Variants in ITPRID1 observed in about 807,000 individuals in gnomAD.
The protein encoded by ITPRID1 is protein ITPRID1.
In ITPRID1, 96 loss-of-function variants were observed where a neutral mutation model predicts 95.4. The observed-to-expected ratio is 1.01, with a 90% CI of 0.85 to 1.19. The LOEUF (loss-of-function observed/expected upper bound fraction) is 1.19. Among genes scored for constraint, ITPRID1 ranks in the 50% most tolerant of loss-of-function variants. ITPRID1 has a pLI of 0.00. For synonymous variants in ITPRID1, 510 were observed against 453.6 expected, an observed-to-expected ratio of 1.12 and a Z score of -1.58; for missense variants, 1,339 against 1,252.9, an observed-to-expected ratio of 1.07 and a Z score of -1.04.
chr7:31,613,582 A>AT (rs1212434207), intron 10 of ITPRID1, among the ~76,000 whole-genome samples: 2 of 152,116 alleles, frequency 1.3e-5, no homozygotes, highest in Non-Finnish European at 2.9e-5. Context: ...ATGAATTTCA[A>AT]TTTTTCTGCT....
At chr7:31,520,739 A>G (rs1049869718) in intron 1 of ITPRID1, among the ~76,000 whole-genome samples, 7 of 152,088 alleles carry the variant, frequency 4.6e-5, no homozygotes, top group Non-Finnish European at 8.8e-5. Context: ...GGCCCTCTCA[A>G]CAGATAGAGG....
At chr7:31,521,615 TTTCCCTCCTTCCTTCCTTCCTTCCTTCC>T (rs1279131137) in intron 1 of ITPRID1, among the ~76,000 whole-genome samples, 6,907 of 121,866 alleles carry the variant, frequency 0.057, 291 homozygotes, top group Non-Finnish European at 0.077. Context: ...CTTTTTCTCC[TTTCCCTCCTTCCTTCCTTCCTTCCTTCC>T]TTCCTTCCTT....
chr7:31,582,519 G>C (rs1487862115), intron 9 of ITPRID1, among the ~76,000 whole-genome samples: 3 of 152,122 alleles, frequency 2.0e-5, no homozygotes, highest in African/African-American at 7.2e-5. Flanking sequence ...CCAAAGTGTT[G>C]AGATTATAGG....
intron 10 of ITPRID1, among the ~76,000 whole-genome samples, chr7:31,606,063 A>G (rs188442379): frequency 1.4e-3 from 206 of 152,084 alleles, no homozygotes; most frequent in Admixed American, 2.1e-3. Flanking sequence ...TAGATATTCT[A>G]TGTTCATTAA....
chr7:31,643,586 T>G lies in ITPRID1; in HGVS notation c.2216T>G (p.Val739Gly). The G allele has an allele frequency of 6.2e-7, 1 of 1,614,014 alleles. No individual in the cohort carries two copies. Among genetic ancestry groups the G allele is most frequent in the Non-Finnish European group, 8.5e-7 (1 of 1,179,894 alleles). ...GPRGTSLECT[V>G]CDPVTATETR... is the part of the protein sequence containing the mutation. The stretch of plus-strand genomic sequence containing the variant: ...AGAGGAACATCTTTAGAATGCACTG[T>G]GTGTGATCCTGTTACCGCAACAGAA... The change falls in exon 12 of 15, where the codon GTG becomes GGG. Residue 739 changes from valine to glycine, a missense_variant. Coordinates refer to ENST00000615280, the MANE Select transcript of ITPRID1 (RefSeq NM_001257967.3).
At chr7:31,541,251 T>C (rs928891605) in intron 1 of ITPRID1, among the ~76,000 whole-genome samples, 7 of 152,204 alleles carry the variant, frequency 4.6e-5, no homozygotes, top group African/African-American at 1.7e-4. Flanking sequence ...CTCCTATTAG[T>C]TCAGTTTATG....
chr7:31,518,669 G>T (rs920689818), intron 1 of ITPRID1, among the ~76,000 whole-genome samples: 1 of 152,174 alleles, frequency 6.6e-6, no homozygotes, highest in African/African-American at 2.4e-5. Context: ...TATCGCACGG[G>T]TATTTTCTGT....
chr7:31,591,747 G>T (rs1355397212), intron 10 of ITPRID1, among the ~76,000 whole-genome samples: 1 of 152,158 alleles, frequency 6.6e-6, no homozygotes, highest in East Asian at 1.9e-4. Context: ...GTTAAAAGCA[G>T]TTGTCTTTGG....
At chr7:31,569,699 A>C (rs1784915950) in intron 5 of ITPRID1, 59 bp from the exon 6 acceptor site, 8 of 1,483,808 alleles carry the variant, frequency 5.4e-6, no homozygotes, top group Non-Finnish European at 7.3e-6. Context: ...TGGGGTTGAG[A>C]AAATCTTCCG....
downstream of ITPRID1, chr7:31,658,437 A>G (rs1266299252): frequency 7.0e-7 from 1 of 1,419,514 alleles, no homozygotes; most frequent in East Asian, 2.5e-5. Context: ...AGAGTATAAC[A>G]CATGTCGAAC....
intron 10 of ITPRID1, among the ~76,000 whole-genome samples, chr7:31,634,778 T>G (rs531967294): frequency 6.6e-6 from 1 of 152,286 alleles, no homozygotes; most frequent in African/African-American, 2.4e-5. Flanking sequence ...AATAGAATGC[T>G]TAGGTGATAA....
At chr7:31,519,616 C>CTA (rs1340353008) in intron 1 of ITPRID1, among the ~76,000 whole-genome samples, 113 of 38,436 alleles carry the variant, frequency 2.9e-3, no homozygotes, top group South Asian at 4.2e-3. Context: ...CTCTCTCTCT[C>CTA]TCTCTATATA....
At chr7:31,629,718 G>A (rs758772524) in intron 10 of ITPRID1, among the ~76,000 whole-genome samples, 9 of 152,136 alleles carry the variant, frequency 5.9e-5, no homozygotes, top group Non-Finnish European at 1.0e-4. Flanking sequence ...TAGTGGAGGT[G>A]CATAGTTGTA....
rs1256502905 is a variant in ITPRID1, at chr7:31,556,567, C to T, written c.256+1666C>T. The stretch of plus-strand genomic sequence containing the variant: ...CTTCAGCCATGATGAGAGAGCTGCA[C>T]TGAGCTTGGGGGAGCTGAGAGACAC... On this transcript the variant is annotated intron_variant, in intron 5 of 14. Coordinates refer to ENST00000615280, the MANE Select transcript of ITPRID1 (RefSeq NM_001257967.3). Among the ~76,000 whole-genome samples the T allele has an allele frequency of 2.0e-5, 3 of 152,154 alleles. No homozygotes were observed. In the East Asian group the frequency reaches 5.8e-4, roughly 30 times the overall value.
chr7:31,637,557 A>G (rs1328435980), intron 10 of ITPRID1, among the ~76,000 whole-genome samples: 7 of 152,184 alleles, frequency 4.6e-5, no homozygotes, highest in East Asian at 1.9e-4. Flanking sequence ...GTCTGTTCAT[A>G]TCCTTTACCC....
chr7:31,565,307 TGAG>T (rs1784759364), intron 5 of ITPRID1, among the ~76,000 whole-genome samples: 1 of 152,226 alleles, frequency 6.6e-6, no homozygotes, highest in Admixed American at 6.5e-5. Context: ...GTTCATCTTG[TGAG>T]TTTAAAAAAT....
chr7:31,616,288 T>A (rs16875604), intron 10 of ITPRID1, among the ~76,000 whole-genome samples: 1 of 152,186 alleles, frequency 6.6e-6, no homozygotes, highest in Admixed American at 6.5e-5. Context: ...TAAAAAATTA[T>A]TGTATTTATG....
chr7:31,643,930 A>C lies in ITPRID1; in HGVS notation c.2560A>C (p.Thr854Pro), dbSNP rs766861601. The C allele has an allele frequency of 1.2e-5, 20 of 1,612,640 alleles. No individual in the cohort carries two copies. The highest frequency in any genetic ancestry group is 1.7e-5 in the Non-Finnish European group (20 of 1,179,410). ...GACGACTTTGAAAGCCCTTCAGGAC[A>C]CTACAGTGAGGGAGCTATGTTCCGT... is the stretch of plus-strand genomic sequence containing the variant. The part of the protein sequence containing the change: ...FMTTLKALQD[T>P]TVRELCSCTV... The change falls in exon 12 of 15, where the codon ACT becomes CCT. Residue 854 changes from threonine to proline, a missense_variant. Physicochemically the swap from Thr to Pro is conservative, Grantham distance 38 (BLOSUM62 -1). Coordinates refer to ENST00000615280, the MANE Select transcript of ITPRID1 (RefSeq NM_001257967.3).
Position 31,572,207 on chromosome 7 carries a change from C to T in ITPRID1, c.395+19C>T, listed in dbSNP as rs1424436943. On this transcript the variant is annotated intron_variant, in intron 7 of 14. Transcript: ENST00000615280. ...CACAAAGGTATGTAATTTCCAGGTG[C>T]TTTTCATCCTGAGAAATCATTCTGT... 1.3e-6 allele frequency: 2 copies of T among 1,494,860 alleles called. No homozygotes were observed. The highest frequency in any genetic ancestry group is 4.5e-5 in the East Asian group (2 of 44,070). The allele number at this position is 1,494,860 out of a possible 1,614,324, so 92.6% of individuals were successfully genotyped here.
Sources: allele counts gnomAD v4.1 joint callset (sites outside exome capture counted in the v4.1 genomes callset), GRCh38; gene constraint gnomAD v4.1.1; transcripts MANE v1.5; gene names NCBI Gene and HGNC (gene_info 2026-07-23, HGNC 2026-07-21).